Variants in DENR observed in about 807,000 individuals in gnomAD.
The protein encoded by DENR is density-regulated protein.
DENR carries 6 observed loss-of-function variants against 30.6 expected under a neutral mutation model. The observed-to-expected ratio is 0.20, with a 90% confidence interval of 0.11 to 0.39. DENR has a LOEUF of 0.39. DENR is among the 10% of genes least tolerant of loss of function. The probability of loss-of-function intolerance (pLI) is 1.00; values close to 1 mark genes in which losing one functional copy is unlikely to be tolerated. For synonymous variants in DENR, 78 were observed against 72.1 expected, an observed-to-expected ratio of 1.08 and a Z score of -0.41; for missense variants, 141 against 230.9, an observed-to-expected ratio of 0.61 and a Z score of 2.52.
chr12:122,756,126 C>T (rs1406638478), intron 2 of DENR, among the ~76,000 whole-genome samples: 1 of 152,156 alleles, frequency 6.6e-6, no homozygotes, highest in African/African-American at 2.4e-5. Context: ...TATAACTTAA[C>T]AGGGAAGATG....
intron 2 of DENR, among the ~76,000 whole-genome samples, chr12:122,755,453 C>T (rs1424710662): frequency 6.6e-6 from 1 of 152,116 alleles, no homozygotes; most frequent in Non-Finnish European, 1.5e-5. Flanking sequence ...GTGGCAGGCA[C>T]CTGTAATCCC....
At position 122,769,429 on chromosome 12, in the gene DENR, A is replaced by G. The variant is rs1404991732; in HGVS notation, c.*351A>G. ...ATTGCCAAAGTCAAATAAACGGGAG[A>G]CTGTCATGCTCATGCATGAATAGAA... On this transcript the variant is annotated 3_prime_UTR_variant, in exon 8 of 8. Coordinates refer to ENST00000280557, the MANE Select transcript of DENR (RefSeq NM_003677.5). 2.0e-6 allele frequency: 2 copies of G among 986,374 alleles called. No individual in the cohort carries two copies. The highest frequency in any genetic ancestry group is 2.3e-4 in the East Asian group (2 of 8,880). 61.1% of individuals were successfully genotyped at this position (986,374 alleles called of 1,614,324 possible).
intron 3 of DENR, among the ~76,000 whole-genome samples, chr12:122,762,640 G>A (rs938467035): frequency 1.3e-5 from 2 of 152,236 alleles, no homozygotes; most frequent in African/African-American, 4.8e-5. Flanking sequence ...AATTGGTACT[G>A]TGAAGAGGTA....
chr12:122,763,048 T>G, intron 4 of DENR, 119 bp downstream of exon 4: 2 of 635,846 alleles, frequency 3.1e-6, no homozygotes, highest in Non-Finnish European at 5.4e-6. Flanking sequence ...AACATTTATC[T>G]GTTAGCTGTT....
intron 2 of DENR, among the ~76,000 whole-genome samples, chr12:122,760,432 TTAAACA>T (rs992341500): frequency 3.3e-5 from 5 of 152,036 alleles, no homozygotes; most frequent in East Asian, 1.9e-4. Context: ...ATTCTAAACC[TTAAACA>T]TAAAAACAAA....
At chr12:122,756,415 C>G (rs1436690831) in intron 2 of DENR, among the ~76,000 whole-genome samples, 3 of 152,116 alleles carry the variant, frequency 2.0e-5, no homozygotes, top group Non-Finnish European at 4.4e-5. Flanking sequence ...TGCCACTGCA[C>G]TCAGCCTTTG....
At chr12:122,761,239 C>T (rs915668292) in intron 2 of DENR, among the ~76,000 whole-genome samples, 4 of 151,002 alleles carry the variant, frequency 2.6e-5, no homozygotes, top group Non-Finnish European at 4.4e-5. Flanking sequence ...TGGTGAAACC[C>T]CGTCTCTACT....
At chr12:122,754,700 A>G (rs1296702605) in intron 2 of DENR, among the ~76,000 whole-genome samples, 2 of 152,208 alleles carry the variant, frequency 1.3e-5, no homozygotes, top group African/African-American at 4.8e-5. Context: ...AGTAATGGCA[A>G]AAACTGCAGT....
At chr12:122,762,507 T>C (rs1184285190) in intron 3 of DENR, among the ~76,000 whole-genome samples, 2 of 152,192 alleles carry the variant, frequency 1.3e-5, no homozygotes, top group Admixed American at 6.5e-5. Flanking sequence ...TCTATACAAA[T>C]GAGCAGAGGA....
intron 2 of DENR, among the ~76,000 whole-genome samples, chr12:122,755,305 C>T (rs764645308): frequency 6.6e-6 from 1 of 152,126 alleles, no homozygotes; most frequent in Admixed American, 6.6e-5. Flanking sequence ...AGGGGCCGGG[C>T]GCAGTGGCTC....
At chr12:122,755,317 C>T (rs1409696617) in intron 2 of DENR, among the ~76,000 whole-genome samples, 2 of 152,242 alleles carry the variant, frequency 1.3e-5, no homozygotes, top group African/African-American at 2.4e-5. Flanking sequence ...CAGTGGCTCA[C>T]ACTTGTAATC....
chr12:122,758,411 G>T (rs1037108124), intron 2 of DENR, among the ~76,000 whole-genome samples: 2 of 151,862 alleles, frequency 1.3e-5, no homozygotes, highest in African/African-American at 4.8e-5. Flanking sequence ...TTATGATCTT[G>T]TGCCAAGACC....
At chr12:122,764,418 T>C (rs562094763) in intron 4 of DENR, among the ~76,000 whole-genome samples, 152 of 152,092 alleles carry the variant, frequency 1.0e-3, no homozygotes, top group African/African-American at 3.5e-3. Flanking sequence ...GCTAACACGG[T>C]GAAACCCTGT....
At chr12:122,756,043 A>G (rs1003114039) in intron 2 of DENR, among the ~76,000 whole-genome samples, 2 of 152,372 alleles carry the variant, frequency 1.3e-5, no homozygotes, top group East Asian at 3.9e-4. Flanking sequence ...TTTACCTAGT[A>G]TCTCTGATGT....
intron 6 of DENR, chr12:122,768,237 T>G (rs536671802): frequency 6.6e-6 from 1 of 152,654 alleles, no homozygotes; most frequent in African/African-American, 2.4e-5. Flanking sequence ...GGCTCACACC[T>G]GTTATAATCC....
At chr12:122,756,191 G>C (rs1234702577) in intron 2 of DENR, among the ~76,000 whole-genome samples, 1 of 152,202 alleles carries the variant, frequency 6.6e-6, no homozygotes, top group South Asian at 2.1e-4. Context: ...GCTCACACCT[G>C]TAATCCAAGC....
chr12:122,756,511 G>A (rs1878554543), intron 2 of DENR, among the ~76,000 whole-genome samples: 1 of 152,166 alleles, frequency 6.6e-6, no homozygotes, highest in Non-Finnish European at 1.5e-5. Flanking sequence ...CAGTACAGGA[G>A]GGGAGAGATT....
rs1878950748 is a variant in DENR at position 122,769,259 on chromosome 12, CATACACATATATGT to C, written c.*187_*200del. 1.5e-6 allele frequency: 1 copy of C among 647,834 alleles called. No individual in the cohort carries two copies. Among genetic ancestry groups the C allele is most frequent in the Admixed American group, 6.2e-5 (1 of 16,210 alleles). 40.1% of individuals were successfully genotyped at this position (647,834 alleles called of 1,614,324 possible). A position where few individuals can be genotyped will look rare whatever the true frequency, so the allele number is the denominator to read the frequency against. ...GTATGTATACATGTATATATATATACATACACATATATGTATACATATATACACATATATGTATA... is the reference window on the plus strand; with the variant it reads ...GTATGTATACATGTATATATATATACATACATATATACACATATATGTATA... On this transcript the variant is annotated 3_prime_UTR_variant, in exon 8 of 8. Transcript: ENST00000280557.
At chr12:122,762,641 T>C (rs1362281383) in intron 3 of DENR, among the ~76,000 whole-genome samples, 1 of 152,236 alleles carries the variant, frequency 6.6e-6, no homozygotes, top group Non-Finnish European at 1.5e-5. Context: ...ATTGGTACTG[T>C]GAAGAGGTAC....
Sources: allele counts gnomAD v4.1 joint callset (sites outside exome capture counted in the v4.1 genomes callset), GRCh38; gene constraint gnomAD v4.1.1; transcripts MANE v1.5; gene names NCBI Gene and HGNC (gene_info 2026-07-23, HGNC 2026-07-21).